The following PFKFB1 variants were observed in gnomAD, a reference collection of about 807,000 sequenced individuals.
The protein encoded by PFKFB1 is 6-phosphofructo-2-kinase/fructose-2,6-biphosphatase 1.
In PFKFB1, 34 loss-of-function variants were observed where a neutral mutation model predicts 46.4. The ratio of observed to expected loss-of-function variants is 0.73; its 90% CI spans 0.56 to 0.98. The LOEUF (loss-of-function observed/expected upper bound fraction) is 0.98. PFKFB1 is among the 50% of genes least tolerant of loss of function. The probability of loss-of-function intolerance (pLI) is 0.00; values close to 1 mark genes in which losing one functional copy is unlikely to be tolerated. For synonymous variants in PFKFB1, 119 were observed against 133.8 expected (o/e 0.89, Z 0.76); for missense variants, 393 against 376.3 (o/e 1.04, Z -0.37).
chrX:54,957,887 T>C lies in PFKFB1; in HGVS notation c.516+419A>G, dbSNP rs188588292. 2.2e-3 allele frequency among the ~76,000 whole-genome samples: 249 copies of C among 111,236 alleles called. 1 individual carries two copies. Among genetic ancestry groups the C allele is most frequent in the Middle Eastern group, 4.6e-3 (1 of 216 alleles). ...AGAGCAGTGATAGTTCTGGTATGAA[T>C]TTTGGGGCAGAATAAAAAATGTAGG... On this transcript the variant is annotated intron_variant, in intron 6 of 13. Transcript: ENST00000375006.
At chrX:54,967,277 T>A (rs980428930) in intron 1 of PFKFB1, among the ~76,000 whole-genome samples, 2 of 112,092 alleles carry the variant, frequency 1.8e-5, no homozygotes. Context: ...CATTAAATTA[T>A]CTTAAATTAG....
At position 54,938,870 on chromosome X, in the gene PFKFB1, C is replaced by G. The variant is rs762522620; in HGVS notation, c.1099-1146G>C. On this transcript the variant is annotated intron_variant, in intron 10 of 13. Coordinates refer to ENST00000375006, the MANE Select transcript of PFKFB1 (RefSeq NM_002625.4). Reference sequence around the variant, plus strand: ...AACAAGGATATCCAGGAATTGAACTCAGCTCTGCACCAAGCGGACCTAATA... The same window carrying G: ...AACAAGGATATCCAGGAATTGAACTGAGCTCTGCACCAAGCGGACCTAATA... Among the ~76,000 whole-genome samples the G allele has an allele frequency of 1.7e-4, 19 of 111,619 alleles. No individual in the cohort carries two copies. The East Asian group carries it at 2.3e-3, about 13-fold the overall frequency.
upstream of PFKFB1, among the ~76,000 whole-genome samples, chrX:54,997,702 A>G (rs1935378222): frequency 9.0e-6 from 1 of 111,369 alleles, no homozygotes; most frequent in Non-Finnish European, 1.9e-5. Flanking sequence ...CTGTGACAGC[A>G]GCCTAGGATC....
rs780853261 is a variant in PFKFB1, at chrX:54,951,884, G to C, written c.846+21C>G. On this transcript the variant is annotated intron_variant, in intron 8 of 13. Transcript: ENST00000375006. ...TAGGACAGCCCAGCCAACCCATCTG[G>C]GTGTGTGTGGCCCACCCTACCTGCT... The C allele has an allele frequency of 9.4e-6, 11 of 1,165,790 alleles. No individual in the cohort carries two copies. In the South Asian group the frequency reaches 2.1e-4, roughly 22 times the overall value.
chrX:54,994,543 T>C, upstream of PFKFB1: 3 of 753,703 alleles, frequency 4.0e-6, no homozygotes, highest in Non-Finnish European at 4.7e-6. Flanking sequence ...GAAACCAAGA[T>C]TCACATCAGA....
chrX:54,952,088 G>A lies in PFKFB1; in HGVS notation c.663C>T (p.Phe221=), dbSNP rs1437810405. 1.2e-5 allele frequency: 15 copies of A among 1,208,954 alleles called. No individual in the cohort carries two copies. The highest frequency in any genetic ancestry group is 2.3e-4 in the Middle Eastern group (1 of 4,366). ...TCACCATGTAGCGTGTGCCCACGTCGAAGATCTTGATGTAGGACAGGTGGC... is the reference window on the plus strand; with the variant it reads ...TCACCATGTAGCGTGTGCCCACGTCAAAGATCTTGATGTAGGACAGGTGGC... ...LDSHLSYIKI[F]DVGTRYMVNR... The change falls in exon 8 of 14, where the codon TTC becomes TTT. Residue 221 remains phenylalanine (F), a synonymous_variant. Coordinates refer to ENST00000375006, the MANE Select transcript of PFKFB1 (RefSeq NM_002625.4).
intron 10 of PFKFB1, among the ~76,000 whole-genome samples, chrX:54,939,225 C>A (rs1337867590): frequency 3.6e-5 from 4 of 111,505 alleles, no homozygotes; most frequent in Admixed American, 9.5e-5. Context: ...ACCAGAATCT[C>A]TGGGACACAT....
chrX:54,937,488 T>G (rs1933442420), intron 11 of PFKFB1, 107 bp downstream of exon 11: 1 of 723,206 alleles, frequency 1.4e-6, no homozygotes, highest in African/African-American at 2.1e-5. Flanking sequence ...CTAGGCATCC[T>G]TGTTCTAGAT....
At chrX:54,947,437 T>C (rs1180584440) in intron 9 of PFKFB1, among the ~76,000 whole-genome samples, 1 of 112,152 alleles carries the variant, frequency 8.9e-6, no homozygotes, top group Non-Finnish European at 1.9e-5. Flanking sequence ...TTATACCACA[T>C]GTGGGCCAGA....
chrX:54,987,411 A>C lies in PFKFB1; in HGVS notation c.97+6500T>G, dbSNP rs1278141287. On this transcript the variant is annotated intron_variant, in intron 1 of 13. Coordinates refer to ENST00000375006, the MANE Select transcript of PFKFB1 (RefSeq NM_002625.4). ...AAGCTCTTTCAAAAAGTAGAAGAGG[A>C]AGAAGCACTTCCCAACTCATTCTAT... Among the ~76,000 whole-genome samples the C allele has an allele frequency of 3.6e-5, 4 of 111,410 alleles. No homozygotes were observed. The Admixed American group carries it at 3.8e-4, about 11-fold the overall frequency.
In PFKFB1 at chrX:54,958,941, G is replaced by C. The variant is rs578165654; in HGVS notation, c.385-16C>G. ...CATCAAAAACCTAGAGGCAGGTAAT[G>C]AGATTGGCTTACTCTGAATCTGGTG... On this transcript the variant is annotated splice_polypyrimidine_tract_variant and intron_variant, in intron 4 of 13. Transcript: ENST00000375006. 9.3e-7 allele frequency: 1 copy of C among 1,077,220 alleles called. No individual in the cohort carries two copies. Among genetic ancestry groups the C allele is most frequent in the South Asian group, 1.9e-5 (1 of 53,290 alleles). The allele number at this position is 1,077,220 out of a possible 1,213,427, so 88.8% of individuals were successfully genotyped here. A position where few individuals can be genotyped will look rare whatever the true frequency, so the allele number is the denominator to read the frequency against.
At chrX:54,973,985 A>G (rs1004888179) in intron 1 of PFKFB1, among the ~76,000 whole-genome samples, 1 of 111,570 alleles carries the variant, frequency 9.0e-6, no homozygotes, top group East Asian at 2.8e-4. Context: ...AGCTACATAA[A>G]TAGACATACT....
intron 12 of PFKFB1, among the ~76,000 whole-genome samples, chrX:54,934,090 T>C (rs1158224050): frequency 8.9e-6 from 1 of 111,786 alleles, no homozygotes; most frequent in Non-Finnish European, 1.9e-5. Flanking sequence ...CAACAGGGTA[T>C]CCTGTCACCT....
At chrX:54,963,516 T>A in intron 1 of PFKFB1, 134 bp from the exon 2 acceptor site, 1 of 622,187 alleles carries the variant, frequency 1.6e-6, no homozygotes, top group Non-Finnish European at 2.4e-6. Context: ...AAGTGAAAAT[T>A]AAGAACTTCT....
In PFKFB1 at chrX:54,933,053, G is replaced by C; in HGVS notation, c.*350C>G. 5.2e-6 allele frequency: 1 copy of C among 191,969 alleles called. No homozygotes were observed. The allele number at this position is 191,969 out of a possible 1,213,427, so 15.8% of individuals were successfully genotyped here. Reference sequence around the variant, plus strand: ...GCTACTGTAGAACTTTTCCCTCCAGGAAATCCTCACCCATTCCATGCCCTC... The same window carrying C: ...GCTACTGTAGAACTTTTCCCTCCAGCAAATCCTCACCCATTCCATGCCCTC... On this transcript the variant is annotated 3_prime_UTR_variant, in exon 14 of 14. Coordinates refer to ENST00000375006, the MANE Select transcript of PFKFB1 (RefSeq NM_002625.4).
chrX:54,970,229 C>G (rs1934610528), intron 1 of PFKFB1, among the ~76,000 whole-genome samples: 2 of 111,610 alleles, frequency 1.8e-5, no homozygotes, highest in South Asian at 7.5e-4. Flanking sequence ...TTTTAAAAAC[C>G]TTTCTAGTAC....
rs920287775 is a variant in PFKFB1 at position 54,958,347 on chromosome X, A to T, written c.475T>A (p.Ser159Thr). 29 of 1,171,324 alleles carry T rather than the reference A, an allele frequency of 2.5e-5. No individual in the cohort carries two copies. The highest frequency in any genetic ancestry group is 4.4e-5 in the Admixed American group (2 of 45,645). Residue 159 changes from serine (S) to threonine (T), a missense_variant, in exon 6 of 14, where the codon TCC (serine) becomes ACC (threonine). By Grantham distance (58) the Ser-to-Thr change is moderately conservative. Transcript: ENST00000375006. ...EHGYKVFFIE[S>T]ICNDPGIIAE... ...ATTATGCCAGGGTCATTACAAATGG[A>T]CTCAATGAAAAACACCTATAAAAGA...
At chrX:54,982,625 G>C (rs1439673091) in intron 1 of PFKFB1, among the ~76,000 whole-genome samples, 1 of 111,745 alleles carries the variant, frequency 8.9e-6, no homozygotes, top group South Asian at 3.6e-4. Flanking sequence ...ATATGTGTAA[G>C]TTATATGCAA....
In PFKFB1 at chrX:54,980,279, A is replaced by G. The variant is rs151266430; in HGVS notation, c.97+13632T>C. Among the ~76,000 whole-genome samples the G allele has an allele frequency of 4.1e-3, 457 of 111,158 alleles. 7 individuals carry two copies. Among genetic ancestry groups the G allele is most frequent in the African/African-American group, 0.014 (434 of 30,595 alleles). On this transcript the variant is annotated intron_variant, in intron 1 of 13. Transcript: ENST00000375006. ...TTATTACACAGTAGTTGACACAATA[A>G]TACAGTGGATCATAAAAAGCATATT... is the stretch of plus-strand genomic sequence containing the variant.
Sources: allele counts gnomAD v4.1 joint callset (sites outside exome capture counted in the v4.1 genomes callset), GRCh38; gene constraint gnomAD v4.1.1; transcripts MANE v1.5; gene names NCBI Gene and HGNC (gene_info 2026-07-23, HGNC 2026-07-21).